KRT38: variants seen among roughly 807,000 people sequenced by gnomAD.
KRT38 encodes the protein keratin 38, also known as keratin, type I cuticular Ha8.
A neutral mutation model predicts 43.1 loss-of-function variants in KRT38; 45 were observed. The observed-to-expected ratio is 1.04, with a 90% CI of 0.82 to 1.34. The LOEUF is 1.34. KRT38 is among the 40% of genes most tolerant of loss of function. The pLI, the probability that KRT38 is intolerant of heterozygous loss-of-function variation, is 0.00. For synonymous variants in KRT38, 258 were observed against 244.0 expected (o/e 1.06, Z -0.53); for missense variants, 627 against 586.2 (o/e 1.07, Z -0.72).
rs768141344 is a variant in KRT38, at chr17:41,440,835, G to A, written c.87C>T (p.Asp29=). ...CCTCTGCCCCAGGCTGGCACCCAAT[G>A]TCGATGGGAGAGACAGAGACATTTC... ...GARNVSVSPI[D]IGCQPGAEAN... The change falls in exon 1 of 7, where the codon GAC becomes GAT. Residue 29 remains aspartate (D), a synonymous_variant. Transcript: ENST00000246646. The A allele has an allele frequency of 3.7e-6, 6 of 1,602,632 alleles. No homozygotes were observed. The highest frequency in any genetic ancestry group is 4.3e-6 in the Non-Finnish European group (5 of 1,174,426).
rs1287690341 is a variant in KRT38, at chr17:41,439,280, G to A, written c.655C>T (p.Leu219=). The change falls in exon 3 of 7, where the codon CTG becomes TTG. Residue 219 remains leucine (L), a synonymous_variant. Transcript: ENST00000246646. ...GTQKLLDDAT[L]AKADLEAQQE... ...TGGGCCTCCAGGTCGGCCTTGGCCA[G>A]GGTCGCATCATCCAGGAGCTTCTGT... is the stretch of plus-strand genomic sequence containing the variant. 6.2e-7 allele frequency: 1 copy of A among 1,614,226 alleles called. No individual in the cohort carries two copies. The highest frequency in any genetic ancestry group is 1.1e-5 in the South Asian group (1 of 91,088).
chr17:41,440,093 A>G, intron 2 of KRT38, 68 bp downstream of exon 2: 1 of 1,247,904 alleles, frequency 8.0e-7, no homozygotes, highest in Non-Finnish European at 1.2e-6. Flanking sequence ...CCCTCACTCA[A>G]CAAGTATTTG....
At chr17:41,440,285 C>A (rs2018780130) in intron 1 of KRT38, 42 bp from the exon 2 acceptor site, 1 of 1,610,586 alleles carries the variant, frequency 6.2e-7, no homozygotes, top group Non-Finnish European at 8.5e-7. Context: ...AAGCATCATG[C>A]CCTAGGCTCC....
At chr17:41,440,080 A>C (rs868002835) in intron 2 of KRT38, 81 bp downstream of exon 2, 1 of 1,112,722 alleles carries the variant, frequency 9.0e-7, no homozygotes, top group South Asian at 1.3e-5. Flanking sequence ...AATGACAATG[A>C]TTCCCTCACT....
In KRT38 at chr17:41,436,504, A is replaced by G. The variant is rs1407571396; in HGVS notation, c.*908T>C. 1 of 152,216 alleles carries G rather than the reference A, an allele frequency of 6.6e-6. No individual in the cohort carries two copies. The highest frequency in any genetic ancestry group is 6.5e-5 in the Admixed American group (1 of 15,284). The allele number at this position is 152,216 out of a possible 1,614,324, so 9.4% of individuals were successfully genotyped here. A position where few individuals can be genotyped will look rare whatever the true frequency, so the allele number is the denominator to read the frequency against. ...AAGGCCAGTGTGGCTGAATCATGGTAAGGAAGGTAGAGAGTATGAAGAGAA... is the reference window on the plus strand; with the variant it reads ...AAGGCCAGTGTGGCTGAATCATGGTGAGGAAGGTAGAGAGTATGAAGAGAA... On this transcript the variant is annotated 3_prime_UTR_variant, in exon 7 of 7. Transcript: ENST00000246646.
In KRT38 at chr17:41,438,798, G is replaced by T; in HGVS notation, c.793C>A (p.Pro265Thr). 1 of 1,614,098 alleles carries T rather than the reference G, an allele frequency of 6.2e-7. No homozygotes were observed. The highest frequency in any genetic ancestry group is 1.3e-5 in the African/African-American group (1 of 75,010). Reference sequence around the variant, plus strand: ...AGCACCCTGTTCAGGTCAATGGTGGGCTCAATGTCCAGCTCAATCCGGAGC... The same window carrying T: ...AGCACCCTGTTCAGGTCAATGGTGGTCTCAATGTCCAGCTCAATCCGGAGC... The part of the protein sequence containing the change: ...EKLRIELDIE[P>T]TIDLNRVLGE... The change falls in exon 4 of 7, where the codon CCC becomes ACC. Residue 265 changes from proline (P) to threonine (T), a missense_variant. Physicochemically the swap from Pro to Thr is conservative, Grantham distance 38. Transcript: ENST00000246646.
intron 2 of KRT38, 75 bp from the exon 3 acceptor site, chr17:41,439,434 C>G: frequency 6.6e-7 from 1 of 1,515,144 alleles, no homozygotes; most frequent in Non-Finnish European, 9.0e-7. Context: ...CTTCCTACCT[C>G]CCACACCACC....
chr17:41,437,654 G>A, intron 6 of KRT38, 113 bp from the exon 7 acceptor site: 1 of 1,137,966 alleles, frequency 8.8e-7, no homozygotes, highest in Non-Finnish European at 1.2e-6. Flanking sequence ...CATGGACCCA[G>A]CTGGACCCTG....
intron 6 of KRT38, 124 bp downstream of exon 6, chr17:41,437,969 C>T (rs1056755511): frequency 3.0e-5 from 27 of 897,736 alleles, no homozygotes; most frequent in African/African-American, 8.4e-5. Context: ...GACAGGGCAA[C>T]GACTCACTGA....
chr17:41,439,392 ATGCCCCCAAGAGCCCCTCTCGGC>A (rs1023358674), intron 2 of KRT38, 33 bp from the exon 3 acceptor site: 2 of 1,607,062 alleles, frequency 1.2e-6, no homozygotes, highest in African/African-American at 2.7e-5. Flanking sequence ...GTCAAAAAGA[ATGCCCCCAAGAGCCCCTCTCGGC>A]TGCCCTGGCT....
intron 6 of KRT38, 79 bp downstream of exon 6, chr17:41,438,014 G>T: frequency 7.1e-7 from 1 of 1,401,852 alleles, no homozygotes; most frequent in Non-Finnish European, 1.0e-6. Context: ...TCTACATAGA[G>T]ACAGCCCTTC....
intron 2 of KRT38, 29 bp downstream of exon 2, chr17:41,440,132 T>A (rs781116721): frequency 6.4e-7 from 1 of 1,572,910 alleles, no homozygotes; most frequent in South Asian, 1.1e-5. Context: ...GGGGAAGGAG[T>A]CACCCTGGCC....
At chr17:41,440,303 C>T (rs765220834) in intron 1 of KRT38, 60 bp from the exon 2 acceptor site, 13 of 1,606,098 alleles carry the variant, frequency 8.1e-6, no homozygotes, top group African/African-American at 6.7e-5. Flanking sequence ...TCCTTCTCCA[C>T]GTGTGGTGTC....
intron 2 of KRT38, among the ~76,000 whole-genome samples, chr17:41,439,723 C>T (rs1331561887): frequency 3.3e-5 from 5 of 152,300 alleles, no homozygotes; most frequent in South Asian, 4.1e-4. Context: ...TCGTGATCTG[C>T]GGCTCCTTAT....
At position 41,438,310 on chromosome 17, in the gene KRT38, CCTT is replaced by C. The variant is rs2018753928; in HGVS notation, c.1021_1023del (p.Lys341del). ...TCACACAGGGAGTTCTGCAGACAGTCCTTCTGTAGTGGGAAATAAGGGGATAAA... is the reference window on the plus strand; with the variant it reads ...TCACACAGGGAGTTCTGCAGACAGTCCTGTAGTGGGAAATAAGGGGATAAA... On this transcript the variant is annotated inframe_deletion and splice_region_variant, in exon 6 of 7. Coordinates refer to ENST00000246646, the MANE Select transcript of KRT38 (RefSeq NM_006771.4). The C allele has an allele frequency of 6.2e-7, 1 of 1,613,608 alleles. No homozygotes were observed. The highest frequency in any genetic ancestry group is 2.2e-5 in the East Asian group (1 of 44,880).
Position 41,437,419 on chromosome 17 carries a change from C to T in KRT38, c.1364G>A (p.Arg455Gln), listed in dbSNP as rs529308915. Residue 455 changes from arginine (R) to glutamine (Q), a missense_variant, in exon 7 of 7, where the codon CGA becomes CAA. Coordinates refer to ENST00000246646, the MANE Select transcript of KRT38 (RefSeq NM_006771.4). ...CTGTGGGTCCACAGGAATTCAGAAT[C>T]GGCTTCCGGTGGTGCTGGCTCCACA... is the stretch of plus-strand genomic sequence containing the variant. ...PTCGASTTGS[R>Q]F The T allele has an allele frequency of 1.5e-5, 24 of 1,564,286 alleles. No homozygotes were observed. Among genetic ancestry groups the T allele is most frequent in the African/African-American group, 1.3e-4 (9 of 71,172 alleles).
chr17:41,439,779 C>A (rs4796642), intron 2 of KRT38, among the ~76,000 whole-genome samples: 63,525 of 151,902 alleles, frequency 0.42, 13,699 homozygotes, highest in East Asian at 0.54. Context: ...TGCCTAGGTA[C>A]CTTATACCTG....
rs907093222 is a variant in KRT38 at position 41,436,239 on chromosome 17, T to C, written c.*1173A>G. Among the ~76,000 whole-genome samples, 1 of 152,206 alleles carries C rather than the reference T, an allele frequency of 6.6e-6. No individual in the cohort carries two copies. The highest frequency in any genetic ancestry group is 2.4e-5 in the African/African-American group (1 of 41,454). ...CTGGGGATGCAGCAATGAACAATTG[T>C]TAATCTTGGGTAAGCATTTTGATTG... On this transcript the variant is annotated 3_prime_UTR_variant, in exon 7 of 7. Coordinates refer to ENST00000246646, the MANE Select transcript of KRT38 (RefSeq NM_006771.4).
At position 41,437,261 on chromosome 17, in the gene KRT38, T is replaced by C; in HGVS notation, c.*151A>G. ...AAACCAAGAGCAGGAAAGGAAGGATTTCCATCAAGATTCCACTGTCCCTGG... is the reference window on the plus strand; with the variant it reads ...AAACCAAGAGCAGGAAAGGAAGGATCTCCATCAAGATTCCACTGTCCCTGG... On this transcript the variant is annotated 3_prime_UTR_variant, in exon 7 of 7. Coordinates refer to ENST00000246646, the MANE Select transcript of KRT38 (RefSeq NM_006771.4). 1 of 794,722 alleles carries C rather than the reference T, an allele frequency of 1.3e-6. No homozygotes were observed. The highest frequency in any genetic ancestry group is 1.8e-6 in the Non-Finnish European group (1 of 570,662). The allele number at this position is 794,722 out of a possible 1,614,324, so 49.2% of individuals were successfully genotyped here.
Sources: allele counts gnomAD v4.1 joint callset (sites outside exome capture counted in the v4.1 genomes callset), GRCh38; gene constraint gnomAD v4.1.1; transcripts MANE v1.5; gene names NCBI Gene and HGNC (gene_info 2026-07-23, HGNC 2026-07-21).